The following LRRC4C variants were observed in gnomAD, a reference collection of about 807,000 sequenced individuals.
LRRC4C encodes leucine-rich repeat-containing protein 4C.
LRRC4C carries 5 observed loss-of-function variants against 33.6 expected under a neutral mutation model. The ratio of observed to expected loss-of-function variants is 0.15; its 90% CI spans 0.08 to 0.31. The LOEUF (loss-of-function observed/expected upper bound fraction) is 0.31. Among genes scored for constraint, LRRC4C ranks in the 10% least tolerant of loss-of-function variants. The pLI is 1.00. For synonymous variants in LRRC4C, 329 were observed against 302.0 expected, an observed-to-expected ratio of 1.09 and a Z score of -0.93; for missense variants, 560 against 796.7, an observed-to-expected ratio of 0.70 and a Z score of 3.58.
chr11:40,973,260 G>T (rs183507541), intron 1 of LRRC4C, among the ~76,000 whole-genome samples: 1 of 152,002 alleles, frequency 6.6e-6, no homozygotes, highest in African/African-American at 2.4e-5. Flanking sequence ...GAAGATTTGT[G>T]GTTGTCTACT....
At chr11:41,032,366 T>C (rs1856777208) in intron 1 of LRRC4C, among the ~76,000 whole-genome samples, 1 of 152,038 alleles carries the variant, frequency 6.6e-6, no homozygotes, top group Admixed American at 6.6e-5. Flanking sequence ...AACTTTGTAA[T>C]TCCAAAACAT....
intron 1 of LRRC4C, among the ~76,000 whole-genome samples, chr11:41,341,512 T>C (rs1235380818): frequency 1.3e-5 from 2 of 152,080 alleles, no homozygotes; most frequent in Non-Finnish European, 2.9e-5. Context: ...TGCCTGCTTT[T>C]CCCCCCATTA....
At chr11:40,260,256 G>A (rs1434222976) in intron 4 of LRRC4C, among the ~76,000 whole-genome samples, 20 of 125,274 alleles carry the variant, frequency 1.6e-4, no homozygotes, top group Admixed American at 3.5e-4. Context: ...CCTTTGTAGG[G>A]ACATGGATGA....
intron 4 of LRRC4C, among the ~76,000 whole-genome samples, chr11:40,287,394 C>G (rs955997450): frequency 1.3e-5 from 2 of 151,894 alleles, no homozygotes; most frequent in African/African-American, 4.8e-5. Flanking sequence ...TGTTTGCATA[C>G]ACTCTTGTAT....
chr11:41,345,025 G>A (rs964278709), intron 1 of LRRC4C, among the ~76,000 whole-genome samples: 1 of 152,030 alleles, frequency 6.6e-6, no homozygotes, highest in Non-Finnish European at 1.5e-5. Context: ...AACCCATGAT[G>A]GTTTGTGTAT....
chr11:41,352,349 G>A (rs1192800592), intron 1 of LRRC4C, among the ~76,000 whole-genome samples: 5 of 152,070 alleles, frequency 3.3e-5, no homozygotes, highest in African/African-American at 1.2e-4. Context: ...CCCAACACTG[G>A]AGTACCCAAA....
chr11:41,366,178 CTAGA>C (rs937740931), intron 1 of LRRC4C, among the ~76,000 whole-genome samples: 123 of 142,334 alleles, frequency 8.6e-4, no homozygotes, highest in Admixed American at 1.3e-3. Flanking sequence ...GTTTATATAT[CTAGA>C]TAGATAGATA....
At chr11:40,632,531 G>A (rs1963560118) in intron 3 of LRRC4C, among the ~76,000 whole-genome samples, 1 of 152,118 alleles carries the variant, frequency 6.6e-6, no homozygotes, top group Admixed American at 6.6e-5. Flanking sequence ...AAGATGAAAG[G>A]AATTCAAAAA....
intron 1 of LRRC4C, among the ~76,000 whole-genome samples, chr11:41,211,803 G>A (rs962588136): frequency 6.6e-6 from 1 of 152,160 alleles, no homozygotes; most frequent in Non-Finnish European, 1.5e-5. Context: ...GTGCTCATGT[G>A]TCTTTATAGC....
intron 1 of LRRC4C, among the ~76,000 whole-genome samples, chr11:41,418,874 A>C (rs1185679238): frequency 1.3e-5 from 2 of 152,028 alleles, no homozygotes; most frequent in Non-Finnish European, 2.9e-5. Context: ...TGAAATAATT[A>C]AGGTGGAAAG....
chr11:40,182,557 A>G (rs1212564177), intron 5 of LRRC4C, among the ~76,000 whole-genome samples: 5 of 152,228 alleles, frequency 3.3e-5, no homozygotes, highest in Non-Finnish European at 7.3e-5. Flanking sequence ...CAGCTCCCAA[A>G]AAGTATAAAA....
Position 40,328,315 on chromosome 11 carries a change from T to C in LRRC4C, c.-269-8594A>G, listed in dbSNP as rs563327707. Among the ~76,000 whole-genome samples the C allele has an allele frequency of 3.3e-5, 5 of 152,334 alleles. 1 individual carries two copies. The East Asian group carries it at 9.7e-4, about 29-fold the overall frequency. On this transcript the variant is annotated intron_variant, in intron 3 of 6. Transcript: ENST00000528697. ...TAGGAAGCCTGCTAGGCTCTCCGTT[T>C]TTTATTTCAAAATAAAGAGACCACA...
intron 5 of LRRC4C, among the ~76,000 whole-genome samples, chr11:40,204,941 C>G (rs1863036259): frequency 6.6e-6 from 1 of 152,228 alleles, no homozygotes. Context: ...TTCATCAACC[C>G]TGACCTTAGA....
chr11:40,633,693 G>A (rs550278571), intron 3 of LRRC4C, among the ~76,000 whole-genome samples: 10 of 152,108 alleles, frequency 6.6e-5, no homozygotes, highest in African/African-American at 2.4e-4. Context: ...CTGAGTCCCA[G>A]GTTATATTTC....
At chr11:40,394,028 G>A (rs1024781099) in intron 3 of LRRC4C, among the ~76,000 whole-genome samples, 18 of 151,888 alleles carry the variant, frequency 1.2e-4, no homozygotes, top group African/African-American at 4.4e-4. Flanking sequence ...AGAGTAAGAA[G>A]GGGATAAAAA....
Position 40,770,379 on chromosome 11 carries a change from A to G in LRRC4C, c.-406-122101T>C, listed in dbSNP as rs531763633. On this transcript the variant is annotated intron_variant, in intron 2 of 6. Transcript: ENST00000528697. Reference sequence around the variant, plus strand: ...ATGGGGGAACTGCCCCTATGATAGAATCACCACCCACAAGGTCTCTTCCCC... The same window carrying G: ...ATGGGGGAACTGCCCCTATGATAGAGTCACCACCCACAAGGTCTCTTCCCC... Among the ~76,000 whole-genome samples, 8 of 152,268 alleles carry G rather than the reference A, an allele frequency of 5.3e-5. No individual in the cohort carries two copies. In the South Asian group the frequency reaches 1.7e-3, roughly 32 times the overall value.
chr11:40,610,409 T>C (rs905919564), intron 3 of LRRC4C, among the ~76,000 whole-genome samples: 1 of 151,698 alleles, frequency 6.6e-6, no homozygotes, highest in Admixed American at 6.6e-5. Flanking sequence ...ACAGCTAACC[T>C]CATACTCAAT....
chr11:40,221,996 C>T (rs374367409), intron 5 of LRRC4C, among the ~76,000 whole-genome samples: 14 of 152,026 alleles, frequency 9.2e-5, no homozygotes, highest in Non-Finnish European at 1.5e-4. Context: ...GTTTTGTCTG[C>T]GGCTCGTCCT....
chr11:40,994,980 A>G (rs1853861797), intron 1 of LRRC4C, among the ~76,000 whole-genome samples: 1 of 152,112 alleles, frequency 6.6e-6, no homozygotes, highest in African/African-American at 2.4e-5. Flanking sequence ...ACGCAGCAAA[A>G]ATGGCCAGAG....
Sources: gnomAD v4.1 joint callset for allele counts (sites outside exome capture counted in the v4.1 genomes callset) on GRCh38, gnomAD v4.1.1 for gene constraint, MANE v1.5 for transcripts, NCBI Gene and HGNC (gene_info 2026-07-23, HGNC 2026-07-21) for gene names.